Variants in CATSPERH observed in about 807,000 individuals in gnomAD.
CATSPERH encodes catsper channel auxiliary subunit eta, also known as cation channel sperm-associated auxiliary subunit eta.
At chr11:65,089,039 G>A in the CATSPERH span, 18 of 1,534,858 alleles carry the variant, frequency 1.2e-5, no homozygotes, top group South Asian at 8.3e-5. Flanking sequence ...CATCTTGCCC[G>A]CAGTGTAGAT....
the CATSPERH span, chr11:65,088,465 TC>T: frequency 6.5e-7 from 1 of 1,536,112 alleles, no homozygotes; most frequent in African/African-American, 1.4e-5. Context: ...TCAGTGGTGC[TC>T]CTCCCGGTAC....
the CATSPERH span, chr11:65,088,609 G>C: frequency 6.5e-5 from 99 of 1,532,246 alleles, no homozygotes; most frequent in African/African-American, 1.2e-3. Flanking sequence ...GGGTTCCAAA[G>C]CTCCCCGCTC....
the CATSPERH span, chr11:65,088,486 A>G: frequency 2.6e-6 from 4 of 1,536,080 alleles, no homozygotes; most frequent in Non-Finnish European, 3.5e-6. Context: ...CTCGATGGCC[A>G]GAAACTCCAA....
At chr11:65,088,866 C>T in the CATSPERH span, 3 of 1,535,664 alleles carry the variant, frequency 2.0e-6, no homozygotes, top group African/African-American at 2.7e-5. Context: ...ACCATCAGGA[C>T]GACCGTGTAG....
At chr11:65,088,675 AG>A in the CATSPERH span, 1 of 1,536,320 alleles carries the variant, frequency 6.5e-7, no homozygotes, top group Non-Finnish European at 8.7e-7. Context: ...GCGGAGAAGC[AG>A]ACGTACTTGT....
chr11:65,088,487 G>C, the CATSPERH span: 1 of 1,536,216 alleles, frequency 6.5e-7, no homozygotes, highest in Non-Finnish European at 8.7e-7. Flanking sequence ...TCGATGGCCA[G>C]AAACTCCAAG....
the CATSPERH span, chr11:65,088,485 C>G: frequency 6.5e-7 from 1 of 1,536,214 alleles, no homozygotes; most frequent in African/African-American, 1.4e-5. Context: ...ACTCGATGGC[C>G]AGAAACTCCA....
At chr11:65,088,768 G>A in the CATSPERH span, 1 of 1,535,464 alleles carries the variant, frequency 6.5e-7, no homozygotes, top group African/African-American at 1.4e-5. Context: ...CCCATCCAGT[G>A]GGAGAGTGGC....
At chr11:65,088,883 C>T in the CATSPERH span, 1 of 1,535,814 alleles carries the variant, frequency 6.5e-7, no homozygotes, top group Non-Finnish European at 8.7e-7. Flanking sequence ...GTAGTGAAAG[C>T]TCATGTGGTC....
At chr11:65,088,625 T>A in the CATSPERH span, 1 of 1,534,970 alleles carries the variant, frequency 6.5e-7, no homozygotes, top group Non-Finnish European at 8.7e-7. Context: ...CGCTCCCTCT[T>A]GCACCCTCCC....
At chr11:65,088,700 A>G in the CATSPERH span, 1 of 1,536,234 alleles carries the variant, frequency 6.5e-7, no homozygotes, top group Non-Finnish European at 8.7e-7. Flanking sequence ...CTGTCATCTC[A>G]GCATAGAGTG....
the CATSPERH span, chr11:65,088,812 C>T: frequency 6.5e-7 from 1 of 1,535,472 alleles, no homozygotes; most frequent in Non-Finnish European, 8.7e-7. Flanking sequence ...CCATCAGCCC[C>T]TCGGGTCTCC....
chr11:65,088,815 G>A, the CATSPERH span: 86 of 1,535,112 alleles, frequency 5.6e-5, no homozygotes, highest in Middle Eastern at 1.7e-4. Context: ...TCAGCCCCTC[G>A]GGTCTCCCAC....
chr11:65,088,999 G>C, the CATSPERH span: 1 of 1,535,790 alleles, frequency 6.5e-7, no homozygotes. Context: ...CTTTTGGGAA[G>C]AAGAACGTGG....
the CATSPERH span, chr11:65,088,666 C>T: frequency 2.1e-5 from 33 of 1,536,360 alleles, no homozygotes; most frequent in African/African-American, 1.6e-4. Flanking sequence ...ATGGTCAGGG[C>T]GGAGAAGCAG....
chr11:65,088,704 T>C, the CATSPERH span: 1 of 1,536,214 alleles, frequency 6.5e-7, no homozygotes, highest in Non-Finnish European at 8.7e-7. Context: ...CATCTCAGCA[T>C]AGAGTGACCC....
chr11:65,088,460 G>A, the CATSPERH span: 1 of 1,536,242 alleles, frequency 6.5e-7, no homozygotes, highest in South Asian at 1.2e-5. Context: ...AGGCCTCAGT[G>A]GTGCTCCTCC....
chr11:65,088,508 T>C, the CATSPERH span: 1 of 1,535,980 alleles, frequency 6.5e-7, no homozygotes, highest in Admixed American at 2.0e-5. Context: ...GACAGGCGGT[T>C]GAAGAACATG....
At chr11:65,089,042 G>A in the CATSPERH span, 1 of 1,534,694 alleles carries the variant, frequency 6.5e-7, no homozygotes, top group South Asian at 1.2e-5. Context: ...CTTGCCCGCA[G>A]TGTAGATGCA....
Sources: gnomAD v4.1 joint callset for allele counts on GRCh38, gnomAD v4.1.1 for gene constraint, MANE v1.5 for transcripts, NCBI Gene and HGNC (gene_info 2026-07-23, HGNC 2026-07-21) for gene names.